Variants in CABIN1 observed in about 807,000 individuals in gnomAD.
The protein encoded by CABIN1 is calcineurin binding protein 1, also known as calcineurin-binding protein cabin-1.
A neutral mutation model predicts 227.7 loss-of-function variants in CABIN1; 133 were observed. That is an observed-to-expected ratio of 0.58 (90% CI 0.51 to 0.67). The LOEUF (loss-of-function observed/expected upper bound fraction) is 0.67, where lower values mean the gene tolerates loss of function less well. Among genes scored for constraint, CABIN1 ranks in the 30% least tolerant of loss-of-function variants. The pLI, the probability that CABIN1 is intolerant of heterozygous loss-of-function variation, is 0.00. For missense variants in CABIN1, 2,408 were observed against 2,852.5 expected, an observed-to-expected ratio of 0.84 and a Z score of 3.55; for synonymous variants, 1,086 against 1,155.1, an observed-to-expected ratio of 0.94 and a Z score of 1.21.
Position 24,169,330 on chromosome 22 carries a change from C to T in CABIN1, c.5757+809C>T, listed in dbSNP as rs141907333. On this transcript the variant is annotated intron_variant, in intron 33 of 36. Transcript: ENST00000263119. ...GGTGTCCCGATGCCCCCGGTAGCCTCGTCCCAGGTCCCTTTGTTCCAGGTC... is the reference window on the plus strand; with the variant it reads ...GGTGTCCCGATGCCCCCGGTAGCCTTGTCCCAGGTCCCTTTGTTCCAGGTC... Among the ~76,000 whole-genome samples the T allele has an allele frequency of 2.0e-5, 3 of 152,268 alleles. No homozygotes were observed. In the East Asian group the frequency reaches 5.8e-4, roughly 29 times the overall value.
chr22:24,147,584 G>A (rs1206472729), intron 29 of CABIN1, among the ~76,000 whole-genome samples: 1 of 151,630 alleles, frequency 6.6e-6, no homozygotes. Flanking sequence ...AAGTAGCTGG[G>A]GCTGCAGATG....
At chr22:24,072,246 G>A in intron 17 of CABIN1, 108 bp from the exon 18 acceptor site, 3 of 1,129,108 alleles carry the variant, frequency 2.7e-6, no homozygotes, top group East Asian at 2.5e-5. Context: ...GTGGGGGTGG[G>A]CAGGCAGCAC....
At chr22:24,103,957 T>C (rs1397859674) in intron 26 of CABIN1, among the ~76,000 whole-genome samples, 1 of 152,038 alleles carries the variant, frequency 6.6e-6, no homozygotes, top group East Asian at 1.9e-4. Flanking sequence ...TGGGAAGAAT[T>C]CCTGGAGAAG....
At chr22:24,156,993 A>AT (rs2045868198) in intron 29 of CABIN1, among the ~76,000 whole-genome samples, 1 of 151,992 alleles carries the variant, frequency 6.6e-6, no homozygotes, top group Non-Finnish European at 1.5e-5. Flanking sequence ...TGCAGAGAGA[A>AT]TCATTACCTG....
At chr22:24,111,150 A>G (rs1022663446) in intron 26 of CABIN1, among the ~76,000 whole-genome samples, 1 of 152,234 alleles carries the variant, frequency 6.6e-6, no homozygotes, top group Admixed American at 6.5e-5. Flanking sequence ...TGATAAAACA[A>G]AAGTAGGTTG....
At chr22:24,172,084 G>A (rs2046847447) in intron 34 of CABIN1, 89 bp downstream of exon 34, 2 of 1,460,616 alleles carry the variant, frequency 1.4e-6, no homozygotes, top group African/African-American at 1.4e-5. Context: ...GGGTAAGGGA[G>A]GCAAGCAGTG....
rs771733402 is a variant in CABIN1 at position 24,167,155 on chromosome 22, C to T, written c.5524C>T (p.Arg1842Trp). ...AGGHPEEPLS[R>W]LSRKRKLLED... ...GGGCCACCCGGAGGAGCCGCTCTCC[C>T]GGCTCAGCCGCAAGAGGAAGCTCCT... Residue 1842 changes from arginine (R) to tryptophan (W), a missense_variant, in exon 32 of 37, where the codon CGG becomes TGG. By Grantham distance (101) the Arg-to-Trp change is moderately radical (BLOSUM62 -3). Transcript: ENST00000263119. 45 of 1,605,180 alleles carry T rather than the reference C, an allele frequency of 2.8e-5. No individual in the cohort carries two copies. The highest frequency in any genetic ancestry group is 2.1e-4 in the Admixed American group (12 of 58,476).
At chr22:24,040,764 C>T (rs918321982) in intron 4 of CABIN1, among the ~76,000 whole-genome samples, 2 of 152,204 alleles carry the variant, frequency 1.3e-5, no homozygotes, top group Non-Finnish European at 2.9e-5. Flanking sequence ...CCTTCTGCCC[C>T]CAGGCAGCCT....
intron 34 of CABIN1, 22 bp from the exon 35 acceptor site, chr22:24,176,089 C>T: frequency 6.2e-7 from 1 of 1,606,230 alleles, no homozygotes; most frequent in East Asian, 2.2e-5. Context: ...CTATTACCTG[C>T]AGTGAGCCCA....
intron 29 of CABIN1, among the ~76,000 whole-genome samples, chr22:24,137,529 C>G (rs1569269454): frequency 6.6e-6 from 1 of 152,220 alleles, no homozygotes; most frequent in Admixed American, 6.5e-5. Context: ...CAGGGCCACC[C>G]CAGCCCAGAC....
intron 15 of CABIN1, among the ~76,000 whole-genome samples, chr22:24,066,270 C>A (rs929445442): frequency 6.6e-6 from 1 of 152,164 alleles, no homozygotes; most frequent in African/African-American, 2.4e-5. Context: ...GAGCTCTCAC[C>A]AGCACTATTT....
At chr22:24,037,664 T>C (rs1231415695) in intron 3 of CABIN1, among the ~76,000 whole-genome samples, 1 of 152,160 alleles carries the variant, frequency 6.6e-6, no homozygotes, top group Non-Finnish European at 1.5e-5. Flanking sequence ...TTGGGGTATT[T>C]TCCCCCCATA....
intron 1 of CABIN1, among the ~76,000 whole-genome samples, chr22:24,034,608 T>A (rs1405926968): frequency 6.6e-6 from 1 of 152,242 alleles, no homozygotes; most frequent in East Asian, 1.9e-4. Flanking sequence ...TTCATTTCTT[T>A]TGGGTAGATA....
At chr22:24,178,012 C>T in intron 36 of CABIN1, 41 bp from the exon 37 acceptor site, 1 of 1,611,476 alleles carries the variant, frequency 6.2e-7, no homozygotes, top group Non-Finnish European at 8.5e-7. Flanking sequence ...GGGCAGAGCC[C>T]AGCCATCCTT....
intron 29 of CABIN1, among the ~76,000 whole-genome samples, chr22:24,145,774 C>T (rs778683380): frequency 9.2e-5 from 14 of 152,110 alleles, no homozygotes; most frequent in Non-Finnish European, 1.9e-4. Context: ...CACTCAAGGC[C>T]GTGCTAGGAT....
At chr22:24,104,909 A>G (rs1348237870) in intron 26 of CABIN1, among the ~76,000 whole-genome samples, 1 of 152,214 alleles carries the variant, frequency 6.6e-6, no homozygotes, top group Admixed American at 6.5e-5. Flanking sequence ...ACAAGCATAC[A>G]TCTTCTTCCT....
Position 24,055,103 on chromosome 22 carries a change from C to T in CABIN1, c.1037C>T (p.Ala346Val). Residue 346 changes from alanine (A) to valine (V), a missense_variant, in exon 9 of 37, where the codon GCT becomes GTT. This residue lies in a region of CABIN1 where 1,045 missense variants were observed against 1,168.4 expected (regional missense o/e 0.89). Transcript: ENST00000263119. ...AEPVVSYTSV[A>V]TTSFPLHSPG... ...CCTGTGGTCTCCTACACCTCTGTGG[C>T]TACAACCAGCTTCCCACTGCACAGT... is the stretch of plus-strand genomic sequence containing the variant. 6.2e-7 allele frequency: 1 copy of T among 1,614,102 alleles called. No individual in the cohort carries two copies. Among genetic ancestry groups the T allele is most frequent in the Non-Finnish European group, 8.5e-7 (1 of 1,180,044 alleles).
intron 29 of CABIN1, among the ~76,000 whole-genome samples, chr22:24,145,429 G>A (rs530251652): frequency 3.9e-5 from 6 of 152,288 alleles, no homozygotes; most frequent in African/African-American, 7.2e-5. Context: ...TCCCTGCCTC[G>A]CAAATTAAGA....
rs2038660840 is a variant in CABIN1 at position 24,054,883 on chromosome 22, C to G, written c.817C>G (p.Leu273Val). 2 of 1,614,154 alleles carry G rather than the reference C, an allele frequency of 1.2e-6. No individual in the cohort carries two copies. The highest frequency in any genetic ancestry group is 1.7e-6 in the Non-Finnish European group (2 of 1,180,022). ...QPIPFFTWKCLGESLLAMYNH... is the reference protein window; with the variant it reads ...QPIPFFTWKCVGESLLAMYNH... ...GCCCTCTCCCTTTAGCTGGAAGTGC[C>G]TCGGAGAGAGCTTGCTGGCCATGTA... The change falls in exon 9 of 37, where the codon CTC (leucine) becomes GTC (valine). Residue 273 changes from leucine (L) to valine (V), a missense_variant. Physicochemically the swap from Leu to Val is conservative, Grantham distance 32. Transcript: ENST00000263119.
Sources: gnomAD v4.1 joint callset for allele counts (sites outside exome capture counted in the v4.1 genomes callset) on GRCh38, gnomAD v4.1.1 for gene constraint, gnomAD v4.1.1 regional missense constraint, MANE v1.5 for transcripts, NCBI Gene and HGNC (gene_info 2026-07-23, HGNC 2026-07-21) for gene names.